Variants in RANBP17 observed in about 807,000 individuals in gnomAD.
RANBP17 encodes the protein ran-binding protein 17.
In RANBP17, 158 loss-of-function variants were observed where a neutral mutation model predicts 141.2. That is an observed-to-expected ratio of 1.12 (90% CI 0.98 to 1.28). RANBP17 has a LOEUF of 1.28. RANBP17 is among the 50% of genes most tolerant of loss of function. RANBP17 has a pLI of 0.00. For synonymous variants in RANBP17, 430 were observed against 450.0 expected (o/e 0.96, Z 0.56); for missense variants, 1,438 against 1,290.7 (o/e 1.11, Z -1.75).
At chr5:171,167,096 A>G (rs771158371) in intron 14 of RANBP17, among the ~76,000 whole-genome samples, 1 of 152,204 alleles carries the variant, frequency 6.6e-6, no homozygotes, top group Non-Finnish European at 1.5e-5. Flanking sequence ...CCATGTGTCA[A>G]TGTTGACTGT....
intron 25 of RANBP17, among the ~76,000 whole-genome samples, chr5:171,283,347 G>A (rs1198853559): frequency 6.6e-6 from 1 of 152,160 alleles, no homozygotes; most frequent in African/African-American, 2.4e-5. Context: ...GCCCAAATTA[G>A]GTGGTCAGTA....
chr5:171,039,439 G>GT lies in RANBP17; in HGVS notation c.1710+71069dup, dbSNP rs915526318. On this transcript the variant is annotated intron_variant, in intron 14 of 27. Transcript: ENST00000523189. ...TTTTTAATGAGATGTATTTGTTTTTGTTTTTTTGCTTATTGAATTAAGTTC... is the reference window on the plus strand; with the variant it reads ...TTTTTAATGAGATGTATTTGTTTTTGTTTTTTTTGCTTATTGAATTAAGTTC... Among the ~76,000 whole-genome samples, 11 of 150,886 alleles carry GT rather than the reference G, an allele frequency of 7.3e-5. No individual in the cohort carries two copies. In the South Asian group the frequency reaches 8.4e-4, roughly 12 times the overall value.
intron 14 of RANBP17, among the ~76,000 whole-genome samples, chr5:171,147,397 G>T (rs1490632222): frequency 5.7e-5 from 5 of 88,474 alleles, no homozygotes; most frequent in East Asian, 4.1e-4. Flanking sequence ...TTGTTTTTTT[G>T]TGTGTTTTTT....
intron 16 of RANBP17, among the ~76,000 whole-genome samples, chr5:171,178,749 A>G (rs570710614): frequency 2.6e-5 from 4 of 152,072 alleles, no homozygotes; most frequent in Non-Finnish European, 4.4e-5. Flanking sequence ...TGTGGTTTTG[A>G]TTTGCATTTC....
At chr5:171,204,000 A>G (rs1762440745) in intron 19 of RANBP17, among the ~76,000 whole-genome samples, 2 of 152,294 alleles carry the variant, frequency 1.3e-5, no homozygotes, top group African/African-American at 4.8e-5. Context: ...TGAAAAGCTG[A>G]GAAAGAGAGG....
chr5:171,199,656 T>G lies in RANBP17; in HGVS notation c.2039-14T>G. The G allele has an allele frequency of 6.4e-7, 1 of 1,556,566 alleles. No individual in the cohort carries two copies. The highest frequency in any genetic ancestry group is 8.8e-7 in the Non-Finnish European group (1 of 1,130,378). ...GCATTTTAAACCGTAGTGACCCTTT[T>G]GTTTCTCTGATAGGTGAAGATGAGG... is the stretch of plus-strand genomic sequence containing the variant. On this transcript the variant is annotated splice_polypyrimidine_tract_variant and intron_variant, in intron 18 of 27. Coordinates refer to ENST00000523189, the MANE Select transcript of RANBP17 (RefSeq NM_022897.5).
chr5:170,924,083 C>T (rs570688990), intron 11 of RANBP17, among the ~76,000 whole-genome samples: 21 of 151,758 alleles, frequency 1.4e-4, no homozygotes, highest in Admixed American at 1.2e-3. Context: ...CTGCAACCTC[C>T]GCCTCCCAAG....
chr5:171,046,281 T>A (rs1782581116), intron 14 of RANBP17, among the ~76,000 whole-genome samples: 2 of 150,690 alleles, frequency 1.3e-5, no homozygotes, highest in Admixed American at 1.3e-4. Flanking sequence ...TGATCTCGGC[T>A]GACTGCAACC....
chr5:171,081,581 T>A (rs1313122765), intron 14 of RANBP17, among the ~76,000 whole-genome samples: 1 of 152,202 alleles, frequency 6.6e-6, no homozygotes, highest in Non-Finnish European at 1.5e-5. Context: ...ACAACTGTTA[T>A]CTTTGAGAAA....
At chr5:170,930,587 T>C (rs1010228710) in intron 12 of RANBP17, among the ~76,000 whole-genome samples, 1 of 151,958 alleles carries the variant, frequency 6.6e-6, no homozygotes, top group African/African-American at 2.4e-5. Context: ...CAGGCCCTGA[T>C]GTGTGATGTT....
intron 14 of RANBP17, among the ~76,000 whole-genome samples, chr5:171,019,846 G>C (rs898214961): frequency 2.6e-5 from 4 of 151,988 alleles, no homozygotes; most frequent in South Asian, 2.1e-4. Context: ...TTCCTCTCTA[G>C]CTGTTTTAAT....
intron 1 of RANBP17, among the ~76,000 whole-genome samples, chr5:170,866,241 A>G (rs1767246626): frequency 6.6e-6 from 1 of 152,190 alleles, no homozygotes; most frequent in Admixed American, 6.5e-5. Context: ...TCAGAAGCAA[A>G]GGCCAGATGT....
intron 14 of RANBP17, among the ~76,000 whole-genome samples, chr5:171,064,251 G>T (rs1784137612): frequency 1.3e-5 from 2 of 152,186 alleles, no homozygotes; most frequent in Admixed American, 1.3e-4. Flanking sequence ...CCCGTCTTCT[G>T]CGTCACTCAC....
intron 14 of RANBP17, chr5:171,028,896 G>A: frequency 7.8e-7 from 1 of 1,288,112 alleles, no homozygotes; most frequent in Non-Finnish European, 1.0e-6. Flanking sequence ...CCTGTGAAGG[G>A]CTTGTGGCAA....
intron 3 of RANBP17, among the ~76,000 whole-genome samples, chr5:170,891,907 G>A (rs1399976930): frequency 6.6e-6 from 1 of 152,132 alleles, no homozygotes; most frequent in Non-Finnish European, 1.5e-5. Flanking sequence ...AGAAACAAAA[G>A]TGACATATTC....
At chr5:171,296,100 A>C in intron 27 of RANBP17, 86 bp downstream of exon 27, 72 of 1,340,136 alleles carry the variant, frequency 5.4e-5, no homozygotes, top group Non-Finnish European at 7.0e-5. Context: ...GACACAGCTC[A>C]CACATGGATG....
At chr5:171,080,510 C>T (rs943499165) in intron 14 of RANBP17, among the ~76,000 whole-genome samples, 2 of 152,094 alleles carry the variant, frequency 1.3e-5, no homozygotes, top group African/African-American at 4.8e-5. Context: ...AAGCACTTAG[C>T]GTTAGGAGTT....
At chr5:170,994,202 G>A (rs1435934008) in intron 14 of RANBP17, among the ~76,000 whole-genome samples, 1 of 151,960 alleles carries the variant, frequency 6.6e-6, no homozygotes. Context: ...ACTCAGTTTG[G>A]AACTCAAAGC....
intron 22 of RANBP17, among the ~76,000 whole-genome samples, chr5:171,236,959 G>A (rs1038541211): frequency 8.5e-5 from 13 of 152,090 alleles, no homozygotes; most frequent in African/African-American, 2.9e-4. Flanking sequence ...CTCCAGCTGA[G>A]GCCTGTGAAA....
Sources: gnomAD v4.1 joint callset for allele counts (sites outside exome capture counted in the v4.1 genomes callset) on GRCh38, gnomAD v4.1.1 for gene constraint, MANE v1.5 for transcripts, NCBI Gene and HGNC (gene_info 2026-07-23, HGNC 2026-07-21) for gene names.